Variants in CHMP3 observed in about 807,000 individuals in gnomAD.
CHMP3 encodes 25.1 protein.
A neutral mutation model predicts 27.4 loss-of-function variants in CHMP3; 8 were observed. The observed-to-expected ratio is 0.29, with a 90% confidence interval of 0.17 to 0.53. The LOEUF is 0.53. Among genes scored for constraint, CHMP3 ranks in the 20% least tolerant of loss-of-function variants. The probability of loss-of-function intolerance (pLI) is 0.96; values close to 1 mark genes in which losing one functional copy is unlikely to be tolerated. For synonymous variants in CHMP3, 86 were observed against 85.5 expected, an observed-to-expected ratio of 1.01 and a Z score of -0.03; for missense variants, 208 against 271.5, an observed-to-expected ratio of 0.77 and a Z score of 1.64.
chr2:86,559,994 C>T (rs1285123373), intron 1 of CHMP3, among the ~76,000 whole-genome samples: 1 of 152,158 alleles, frequency 6.6e-6, no homozygotes, highest in Non-Finnish European at 1.5e-5. Context: ...GGGCCGGGCG[C>T]GGTGGCTTAC....
chr2:86,507,741 G>A, intron 4 of CHMP3, 148 bp from the exon 5 acceptor site: 1 of 671,780 alleles, frequency 1.5e-6, no homozygotes, highest in Non-Finnish European at 2.6e-6. Flanking sequence ...GGAAACACTG[G>A]ATGTTGTCCT....
Position 86,504,879 on chromosome 2 carries a change from C to T in CHMP3, c.*925G>A, listed in dbSNP as rs1028257450. On this transcript the variant is annotated 3_prime_UTR_variant, in exon 6 of 6. Transcript: ENST00000263856. ...CTAAGATCGCGTATGTCAAAGAGCT[C>T]TGTAAACTCTCAACACATACAAAGT... The T allele has an allele frequency of 6.6e-6, 1 of 152,126 alleles. No homozygotes were observed. The highest frequency in any genetic ancestry group is 1.5e-5 in the Non-Finnish European group (1 of 68,022). 9.4% of individuals were successfully genotyped at this position (152,126 alleles called of 1,614,324 possible). A position where few individuals can be genotyped will look rare whatever the true frequency, so the allele number is the denominator to read the frequency against.
Position 86,532,946 on chromosome 2 carries a change from T to C in CHMP3, c.107-3549A>G, listed in dbSNP as rs187034296. ...TCAGGACAATACTGGCAACATAGAA[T>C]GAATAAGGAAGTGTTTTCTTCTCTT... On this transcript the variant is annotated intron_variant, in intron 2 of 5. Transcript: ENST00000263856. Among the ~76,000 whole-genome samples, 3 of 152,350 alleles carry C rather than the reference T, an allele frequency of 2.0e-5. No individual in the cohort carries two copies. The East Asian group carries it at 5.8e-4, about 29-fold the overall frequency.
At chr2:86,556,436 T>C (rs1677125381) in intron 1 of CHMP3, among the ~76,000 whole-genome samples, 1 of 152,214 alleles carries the variant, frequency 6.6e-6, no homozygotes, top group Non-Finnish European at 1.5e-5. Context: ...CTCTCACCAT[T>C]GTAGGAGATC....
intron 3 of CHMP3, 119 bp downstream of exon 3, chr2:86,529,099 C>A: frequency 2.6e-6 from 3 of 1,167,602 alleles, no homozygotes; most frequent in Admixed American, 3.4e-5. Context: ...CAACACTCAA[C>A]ACTAAGAAAA....
At chr2:86,559,855 T>G (rs1308075057) in intron 1 of CHMP3, among the ~76,000 whole-genome samples, 1 of 152,208 alleles carries the variant, frequency 6.6e-6, no homozygotes, top group Non-Finnish European at 1.5e-5. Flanking sequence ...CTGTTTCTGA[T>G]CATCTCAGCC....
chr2:86,544,533 A>G (rs1433934661), intron 1 of CHMP3, among the ~76,000 whole-genome samples: 1 of 151,926 alleles, frequency 6.6e-6, no homozygotes, highest in East Asian at 1.9e-4. Flanking sequence ...GAGATTAGGG[A>G]GTGGTGATGA....
intron 4 of CHMP3, among the ~76,000 whole-genome samples, chr2:86,509,060 G>C (rs1459538950): frequency 2.7e-5 from 4 of 150,846 alleles, no homozygotes; most frequent in Non-Finnish European, 4.4e-5. Context: ...GAATGACTAA[G>C]ATGTGTTCTT....
At chr2:86,560,443 G>A (rs1677305687) in intron 1 of CHMP3, among the ~76,000 whole-genome samples, 1 of 152,002 alleles carries the variant, frequency 6.6e-6, no homozygotes, top group Non-Finnish European at 1.5e-5. Context: ...ATCATTCTCA[G>A]CAAACTATCA....
intron 1 of CHMP3, among the ~76,000 whole-genome samples, chr2:86,548,179 C>CTCTT: frequency 8.6e-6 from 1 of 116,072 alleles, no homozygotes; most frequent in Non-Finnish European, 1.9e-5. Context: ...GAGGAGTTCT[C>CTCTT]TTTTTTTTTT....
intron 1 of CHMP3, among the ~76,000 whole-genome samples, chr2:86,545,615 A>G (rs372517454): frequency 1.0e-4 from 13 of 126,606 alleles, no homozygotes; most frequent in African/African-American, 3.7e-4. Flanking sequence ...CTCACTTCTC[A>G]GATGGGGTGG....
intron 3 of CHMP3, among the ~76,000 whole-genome samples, chr2:86,526,419 G>T (rs958533922): frequency 4.6e-5 from 7 of 152,176 alleles, no homozygotes; most frequent in South Asian, 2.1e-4. Context: ...AAGAACTCAT[G>T]AACTGCTGCT....
chr2:86,525,575 G>C (rs1039177174), intron 3 of CHMP3, among the ~76,000 whole-genome samples: 6 of 151,738 alleles, frequency 4.0e-5, no homozygotes, highest in Non-Finnish European at 8.8e-5. Flanking sequence ...GCATCAGATG[G>C]GATTCCCTCG....
intron 2 of CHMP3, among the ~76,000 whole-genome samples, chr2:86,540,406 A>G (rs929237850): frequency 2.6e-5 from 4 of 152,168 alleles, no homozygotes; most frequent in South Asian, 2.1e-4. Context: ...TACAGGTTGA[A>G]TATCTCTTAT....
intron 1 of CHMP3, among the ~76,000 whole-genome samples, chr2:86,558,512 G>A (rs1164676485): frequency 6.6e-6 from 1 of 152,080 alleles, no homozygotes; most frequent in Non-Finnish European, 1.5e-5. Flanking sequence ...CCCACTGCAC[G>A]CTGCATATTA....
chr2:86,539,789 C>A (rs1328283843), intron 2 of CHMP3, among the ~76,000 whole-genome samples: 1 of 152,026 alleles, frequency 6.6e-6, no homozygotes, highest in African/African-American at 2.4e-5. Context: ...TATTTACTTA[C>A]ATATTTACCA....
In CHMP3 at chr2:86,510,498, A is replaced by G; in HGVS notation, c.287-19T>C. 6.2e-7 allele frequency: 1 copy of G among 1,609,596 alleles called. No individual in the cohort carries two copies. The highest frequency in any genetic ancestry group is 1.3e-5 in the African/African-American group (1 of 75,056). On this transcript the variant is annotated intron_variant, in intron 3 of 5. Coordinates refer to ENST00000263856, the MANE Select transcript of CHMP3 (RefSeq NM_016079.4). Reference sequence around the variant, plus strand: ...AAGACCGCTGAAAGAGAATGTGTACAGTCAGGATTGTTCAACAGGATGGAA... The same window carrying G: ...AAGACCGCTGAAAGAGAATGTGTACGGTCAGGATTGTTCAACAGGATGGAA...
intron 2 of CHMP3, among the ~76,000 whole-genome samples, chr2:86,538,604 A>T (rs1204801479): frequency 1.3e-5 from 2 of 152,156 alleles, no homozygotes; most frequent in Non-Finnish European, 1.5e-5. Context: ...TTAACTTTCT[A>T]CTTTTCTGCA....
At chr2:86,510,280 C>T in intron 4 of CHMP3, 78 bp downstream of exon 4, 1 of 1,299,582 alleles carries the variant, frequency 7.7e-7, no homozygotes, top group South Asian at 1.2e-5. Context: ...CCCCACCCAC[C>T]CTCATCCCTA....
Sources: allele counts gnomAD v4.1 joint callset (sites outside exome capture counted in the v4.1 genomes callset), GRCh38; gene constraint gnomAD v4.1.1; transcripts MANE v1.5; gene names NCBI Gene and HGNC (gene_info 2026-07-23, HGNC 2026-07-21).